KLHL13: variants seen among roughly 807,000 people sequenced by gnomAD.
KLHL13 encodes kelch like family member 13.
In KLHL13, 10 loss-of-function variants were observed where a neutral mutation model predicts 37.1. The observed-to-expected ratio is 0.27, with a 90% CI of 0.17 to 0.46. The LOEUF (loss-of-function observed/expected upper bound fraction) is 0.46. Ranked by LOEUF, KLHL13 falls within the 20% of genes least tolerant of loss-of-function variation. The pLI is 1.00. For missense variants in KLHL13, 360 were observed against 509.3 expected, an observed-to-expected ratio of 0.71 and a Z score of 2.82; for synonymous variants, 163 against 181.2, an observed-to-expected ratio of 0.90 and a Z score of 0.81.
intron 5 of KLHL13, among the ~76,000 whole-genome samples, chrX:117,906,451 C>T (rs62609218): frequency 2.7e-5 from 3 of 110,942 alleles, no homozygotes; most frequent in South Asian, 3.8e-4. Flanking sequence ...TGGTTACCTC[C>T]GTAATACAGG....
intron 4 of KLHL13, among the ~76,000 whole-genome samples, chrX:117,918,922 A>C (rs952283388): frequency 9.8e-5 from 11 of 112,375 alleles, no homozygotes; most frequent in African/African-American, 3.6e-4. Context: ...ATAGTCATTA[A>C]GGTGAATAAA....
chrX:117,930,274 A>AGGCAGGCAGGCAGGC (rs1932361093), intron 2 of KLHL13, among the ~76,000 whole-genome samples: 7 of 91,374 alleles, frequency 7.7e-5, no homozygotes, highest in African/African-American at 3.4e-4. Context: ...GGAAGGAAGG[A>AGGCAGGCAGGCAGGC]AGGAAGGAAG....
chrX:117,980,496 C>T (rs1369260135), intron 1 of KLHL13, among the ~76,000 whole-genome samples: 1 of 111,110 alleles, frequency 9.0e-6, no homozygotes, highest in Non-Finnish European at 1.9e-5. Flanking sequence ...AATGTTATAA[C>T]CAAAAATGAG....
chrX:117,953,321 G>A (rs756534471), intron 1 of KLHL13, among the ~76,000 whole-genome samples: 7 of 110,291 alleles, frequency 6.3e-5, no homozygotes, highest in Non-Finnish European at 1.1e-4. Flanking sequence ...ACCAAACACC[G>A]CATGTTCTCA....
At chrX:118,008,571 C>T (rs2054014776) in intron 1 of KLHL13, among the ~76,000 whole-genome samples, 1 of 112,017 alleles carries the variant, frequency 8.9e-6, no homozygotes, top group South Asian at 3.8e-4. Context: ...CCTCTACATT[C>T]ACTTCCTGCA....
intron 1 of KLHL13, among the ~76,000 whole-genome samples, chrX:118,035,224 C>A (rs867073402): frequency 1.9e-5 from 2 of 103,528 alleles, no homozygotes; most frequent in African/African-American, 8.3e-5. Context: ...AAGAGGGAAT[C>A]CTCCCTAACT....
chrX:117,950,732 C>T (rs753169137), intron 1 of KLHL13, among the ~76,000 whole-genome samples: 92 of 112,395 alleles, frequency 8.2e-4, no homozygotes, highest in African/African-American at 2.5e-3. Context: ...ATACATATTG[C>T]TCACACTCAC....
intron 1 of KLHL13, among the ~76,000 whole-genome samples, chrX:118,064,175 TTA>T (rs748040000): frequency 8.9e-6 from 1 of 111,933 alleles, no homozygotes; most frequent in African/African-American, 3.2e-5. Flanking sequence ...CATAAAGCAT[TTA>T]TGTTACAAAA....
At chrX:117,898,731 A>G in exon 7 of KLHL13, 1 of 493,687 alleles carries the variant, frequency 2.0e-6, no homozygotes, top group Non-Finnish European at 3.2e-6. Context: ...TTACCACTTT[A>G]TAAACATTCT....
intron 1 of KLHL13, among the ~76,000 whole-genome samples, chrX:117,971,902 T>C (rs1047760719): frequency 3.6e-5 from 4 of 111,691 alleles, no homozygotes; most frequent in African/African-American, 9.7e-5. Context: ...CTCGTACTAA[T>C]ATTTTCTTTA....
At chrX:117,930,315 AGGC>A (rs1429589303) in intron 2 of KLHL13, among the ~76,000 whole-genome samples, 1 of 105,631 alleles carries the variant, frequency 9.5e-6, no homozygotes, top group Non-Finnish European at 1.9e-5. Context: ...GCAGGCAGGC[AGGC>A]AGGAAGGCAG....
chrX:118,082,906 G>A (rs1020123769), intron 1 of KLHL13, among the ~76,000 whole-genome samples: 2 of 111,424 alleles, frequency 1.8e-5, no homozygotes, highest in African/African-American at 6.5e-5. Flanking sequence ...TCAGTTGGCT[G>A]TATATATGTG....
chrX:118,046,173 T>C (rs2054557465), intron 1 of KLHL13, among the ~76,000 whole-genome samples: 1 of 112,740 alleles, frequency 8.9e-6, no homozygotes, highest in South Asian at 3.7e-4. Flanking sequence ...ATAAAGAAGA[T>C]GTAGTACATA....
At chrX:118,070,531 G>C (rs1342375454) in intron 1 of KLHL13, among the ~76,000 whole-genome samples, 2 of 111,036 alleles carry the variant, frequency 1.8e-5, no homozygotes, top group Non-Finnish European at 3.8e-5. Context: ...TTTAATAAAT[G>C]TTCTGTCCAT....
At chrX:117,959,248 G>A (rs2053251006) in intron 1 of KLHL13, among the ~76,000 whole-genome samples, 1 of 112,016 alleles carries the variant, frequency 8.9e-6, no homozygotes, top group Admixed American at 9.5e-5. Flanking sequence ...CTGCATGCAC[G>A]CACCCTCTGT....
intron 1 of KLHL13, among the ~76,000 whole-genome samples, chrX:118,097,854 G>A (rs1322589551): frequency 8.9e-6 from 1 of 111,742 alleles, no homozygotes; most frequent in Admixed American, 9.5e-5. Context: ...AATAAATGGT[G>A]CTGGGAAAAC....
intron 1 of KLHL13, among the ~76,000 whole-genome samples, chrX:118,063,975 G>A (rs956856180): frequency 1.5e-4 from 17 of 111,003 alleles, no homozygotes; most frequent in African/African-American, 3.9e-4. Context: ...ATTTTTTTCC[G>A]ACTAAGTCTG....
intron 2 of KLHL13, among the ~76,000 whole-genome samples, chrX:117,940,812 G>A (rs1270712679): frequency 8.9e-6 from 1 of 112,021 alleles, no homozygotes; most frequent in Non-Finnish European, 1.9e-5. Flanking sequence ...AGACTTTGCT[G>A]AAGTTGCTTA....
chrX:117,979,974 A>C (rs981645708), intron 1 of KLHL13, among the ~76,000 whole-genome samples: 1 of 112,133 alleles, frequency 8.9e-6, no homozygotes, highest in African/African-American at 3.2e-5. Context: ...GAACTTATCA[A>C]AATAAAAAGC....
Sources: gnomAD v4.1 joint callset for allele counts (sites outside exome capture counted in the v4.1 genomes callset) on GRCh38, gnomAD v4.1.1 for gene constraint, MANE v1.5 for transcripts, NCBI Gene and HGNC (gene_info 2026-07-23, HGNC 2026-07-21) for gene names.